Variants in MOK observed in about 807,000 individuals in gnomAD.
MOK encodes MAPK/MAK/MRK overlapping kinase.
A neutral mutation model predicts 54.2 loss-of-function variants in MOK; 59 were observed. The observed-to-expected ratio is 1.09, with a 90% CI of 0.88 to 1.35. The LOEUF is 1.35. Ranked by LOEUF, MOK falls within the 40% of genes most tolerant of loss-of-function variation. The probability of loss-of-function intolerance (pLI) is 0.00; values close to 1 mark genes in which losing one functional copy is unlikely to be tolerated. For missense variants in MOK, 517 were observed against 526.2 expected, an observed-to-expected ratio of 0.98 and a Z score of 0.17; for synonymous variants, 210 against 202.7, an observed-to-expected ratio of 1.04 and a Z score of -0.31.
At chr14:102,293,719 A>AAAAAAAAG (rs1567242834) in intron 1 of MOK, among the ~76,000 whole-genome samples, 2 of 149,990 alleles carry the variant, frequency 1.3e-5, no homozygotes, top group South Asian at 2.1e-4. Flanking sequence ...AAAAAAAAAA[A>AAAAAAAAG]AAAAAAAGAA....
At chr14:102,255,167 A>C (rs1041608748) in intron 4 of MOK, among the ~76,000 whole-genome samples, 2 of 151,946 alleles carry the variant, frequency 1.3e-5, no homozygotes, top group Non-Finnish European at 2.9e-5. Context: ...AAATACAAAA[A>C]ATTAGCCAGG....
intron 8 of MOK, chr14:102,233,455 G>C: frequency 2.0e-6 from 1 of 507,950 alleles, no homozygotes; most frequent in Non-Finnish European, 3.5e-6. Context: ...CCCTCAGAAA[G>C]CCTGTGACAA....
intron 1 of MOK, among the ~76,000 whole-genome samples, chr14:102,303,022 G>A (rs982808651): frequency 2.0e-5 from 3 of 151,804 alleles, no homozygotes; most frequent in Admixed American, 1.3e-4. Flanking sequence ...TTAGCTGGGC[G>A]TGGTGGTGCA....
At chr14:102,282,191 G>A (rs2069513699) in intron 2 of MOK, among the ~76,000 whole-genome samples, 1 of 152,002 alleles carries the variant, frequency 6.6e-6, no homozygotes, top group Non-Finnish European at 1.5e-5. Flanking sequence ...AGGATCACTT[G>A]AGCCCGGGAG....
chr14:102,229,529 G>C lies in MOK; in HGVS notation c.1110C>G (p.Ser370=), dbSNP rs1001507988. The stretch of plus-strand genomic sequence containing the variant: ...TTCCATTTGTTCCAGATCCAAGCAC[G>C]GACTGCAGCGTGGGGCTGGAGTAAG... ...LSSYSSPTLQ[S]VLGSGTNGRV... is the part of the protein sequence containing the mutation. Residue 370 remains serine, a synonymous_variant, in exon 11 of 12, where the codon TCC becomes TCG. Coordinates refer to ENST00000361847, the MANE Select transcript of MOK (RefSeq NM_014226.3). 1 of 1,614,138 alleles carries C rather than the reference G, an allele frequency of 6.2e-7. No individual in the cohort carries two copies. Among genetic ancestry groups the C allele is most frequent in the Non-Finnish European group, 8.5e-7 (1 of 1,180,014 alleles).
At chr14:102,264,802 A>AGTTC (rs201963972) in intron 3 of MOK, among the ~76,000 whole-genome samples, 1,578 of 152,326 alleles carry the variant, frequency 0.01, 27 homozygotes, top group African/African-American at 0.035. Context: ...GTTTAACTGG[A>AGTTC]GTTCCTTGGC....
At chr14:102,222,730 C>A, downstream of MOK, 2 of 1,274,074 alleles carry the variant, frequency 1.6e-6, no homozygotes, top group Non-Finnish European at 2.3e-6. The surrounding 1 kb of genome is among the most constrained non-coding windows in gnomAD (Gnocchi z 4.4). Context: ...ACATCAACAG[C>A]ACCAGTTTTG....
downstream of MOK, among the ~76,000 whole-genome samples, chr14:102,227,534 G>C (rs1597212074): frequency 6.6e-6 from 1 of 152,308 alleles, no homozygotes; most frequent in East Asian, 1.9e-4. Context: ...TTTAAAAGGA[G>C]CCCGGGGAAA....
rs181939322 is a variant in MOK at position 102,286,975 on chromosome 14, G to T, written c.8-3383C>A. 2.6e-3 allele frequency among the ~76,000 whole-genome samples: 398 copies of T among 151,622 alleles called. 4 individuals carry two copies. Among genetic ancestry groups the T allele is most frequent in the African/African-American group, 9.0e-3 (374 of 41,338 alleles). ...TCCTTAAAAACTATACACACACACA[G>T]AATTAATACTGGCTCTGTCTGAGGT... On this transcript the variant is annotated intron_variant, in intron 1 of 11. Transcript: ENST00000361847.
At chr14:102,239,139 C>G (rs1371703240) in intron 7 of MOK, among the ~76,000 whole-genome samples, 1 of 152,194 alleles carries the variant, frequency 6.6e-6, no homozygotes, top group African/African-American at 2.4e-5. Context: ...TCCCAAATCA[C>G]CCAACAGCTC....
intron 1 of MOK, among the ~76,000 whole-genome samples, chr14:102,286,912 A>AAATAATAATAATAATAATAAT (rs56108099): frequency 6.9e-6 from 1 of 145,508 alleles, no homozygotes; most frequent in African/African-American, 2.6e-5. Context: ...TCCGTCTCAA[A>AAATAATAATAATAATAATAAT]AATAATAATA....
In MOK at chr14:102,302,933, G is replaced by A. The variant is rs146081449; in HGVS notation, c.7+2029C>T. Among the ~76,000 whole-genome samples, 1,470 of 151,276 alleles carry A rather than the reference G, an allele frequency of 9.7e-3. 31 individuals carry two copies. Among genetic ancestry groups the A allele is most frequent in the African/African-American group, 0.034 (1,404 of 41,342 alleles). ...TTCCAACACTTTGGGAGGCTGAGGCGGGTGGATCGCTTGACGTCAGGAGTT... is the reference window on the plus strand; with the variant it reads ...TTCCAACACTTTGGGAGGCTGAGGCAGGTGGATCGCTTGACGTCAGGAGTT... On this transcript the variant is annotated intron_variant, in intron 1 of 11. Coordinates refer to ENST00000361847, the MANE Select transcript of MOK (RefSeq NM_014226.3).
the MOK span, among the ~76,000 whole-genome samples, chr14:102,218,729 A>G: frequency 6.6e-6 from 1 of 152,062 alleles, no homozygotes; most frequent in African/African-American, 2.4e-5. Context: ...GACTAATATT[A>G]GAGCCAAGGC....
At chr14:102,225,123 C>T (rs1026016172), downstream of MOK, 19 of 259,262 alleles carry the variant, frequency 7.3e-5, 1 homozygote, top group South Asian at 4.9e-4. Context: ...TGAAGTGGTG[C>T]GATCATAGCT....
At chr14:102,294,441 G>A (rs1219134541) in intron 1 of MOK, among the ~76,000 whole-genome samples, 15 of 139,832 alleles carry the variant, frequency 1.1e-4, no homozygotes, top group Admixed American at 2.2e-4. Context: ...GCGAGACTCC[G>A]TCTCAAAAAA....
chr14:102,304,948 C>T lies in MOK; in HGVS notation c.7+14G>A, dbSNP rs771559964. ...CGCTCTCCAGTCCCTGCCCCTTTCCCCGGCCCCACTCACTCTTCATCTTGG... is the reference window on the plus strand; with the variant it reads ...CGCTCTCCAGTCCCTGCCCCTTTCCTCGGCCCCACTCACTCTTCATCTTGG... On this transcript the variant is annotated intron_variant, in intron 1 of 11. Coordinates refer to ENST00000361847, the MANE Select transcript of MOK (RefSeq NM_014226.3). The T allele has an allele frequency of 6.2e-7, 1 of 1,608,358 alleles. No homozygotes were observed. The highest frequency in any genetic ancestry group is 8.5e-7 in the Non-Finnish European group (1 of 1,177,772).
At chr14:102,225,638 G>A (rs999750084), downstream of MOK, 2 of 153,652 alleles carry the variant, frequency 1.3e-5, no homozygotes, top group African/African-American at 4.8e-5. Context: ...AACGCTGTCA[G>A]ATACGCCCCA....
intron 1 of MOK, among the ~76,000 whole-genome samples, chr14:102,285,329 A>G (rs1204357120): frequency 1.3e-5 from 2 of 152,046 alleles, no homozygotes; most frequent in African/African-American, 2.4e-5. Context: ...CTAAACTTCT[A>G]CCTCAGCCTC....
chr14:102,217,624 C>T, the MOK span, among the ~76,000 whole-genome samples: 15 of 149,226 alleles, frequency 1.0e-4, no homozygotes, highest in African/African-American at 2.4e-4. Flanking sequence ...CCAGGGTTCC[C>T]GGCTCTGTGG....
Sources: gnomAD v4.1 joint callset for allele counts (sites outside exome capture counted in the v4.1 genomes callset) on GRCh38, gnomAD v4.1.1 for gene constraint, Gnocchi (gnomAD v3.1) non-coding constraint, MANE v1.5 for transcripts, NCBI Gene and HGNC (gene_info 2026-07-23, HGNC 2026-07-21) for gene names.